The following LEPR variants were observed in gnomAD, a reference collection of about 807,000 sequenced individuals.
LEPR encodes the protein leptin receptor.
A neutral mutation model predicts 114.7 loss-of-function variants in LEPR; 56 were observed. The ratio of observed to expected loss-of-function variants is 0.49; its 90% CI spans 0.39 to 0.61. The LOEUF (loss-of-function observed/expected upper bound fraction) is 0.61, where lower values mean the gene tolerates loss of function less well. Among genes scored for constraint, LEPR ranks in the 20% least tolerant of loss-of-function variants. The pLI is 0.00. For missense variants in LEPR, 1,202 were observed against 1,352.9 expected, an observed-to-expected ratio of 0.89 and a Z score of 1.75; for synonymous variants, 443 against 461.4, an observed-to-expected ratio of 0.96 and a Z score of 0.51.
At chr1:65,442,257 C>G (rs903387401) in intron 2 of LEPR, among the ~76,000 whole-genome samples, 1 of 152,168 alleles carries the variant, frequency 6.6e-6, no homozygotes, top group African/African-American at 2.4e-5. Context: ...TTCACAACTC[C>G]TTATCTTGAC....
At chr1:65,436,140 A>G in intron 2 of LEPR, 1 of 883,808 alleles carries the variant, frequency 1.1e-6, no homozygotes, top group Non-Finnish European at 1.4e-6. Flanking sequence ...GAATCTGACC[A>G]GTTTGAAGCC....
intron 2 of LEPR, among the ~76,000 whole-genome samples, chr1:65,553,588 T>A (rs1174108477): frequency 1.3e-5 from 2 of 152,098 alleles, no homozygotes; most frequent in East Asian, 3.9e-4. Flanking sequence ...TTCTTCTATA[T>A]ACTGGTTTTT....
chr1:65,554,083 C>T (rs1401923335), intron 2 of LEPR, among the ~76,000 whole-genome samples: 3 of 152,146 alleles, frequency 2.0e-5, no homozygotes, highest in Admixed American at 1.3e-4. Context: ...CTGGCAGCTT[C>T]GTCCCAGAGG....
intron 14 of LEPR, 100 bp downstream of exon 14, chr1:65,610,396 C>A: frequency 9.9e-7 from 1 of 1,007,060 alleles, no homozygotes; most frequent in Non-Finnish European, 1.5e-6. Context: ...GAAAGCTCAA[C>A]AATCCTGTAT....
intron 2 of LEPR, among the ~76,000 whole-genome samples, chr1:65,475,669 GATCAA>G (rs1341110076): frequency 6.6e-6 from 1 of 152,046 alleles, no homozygotes; most frequent in Non-Finnish European, 1.5e-5. Context: ...TCATTAAAGG[GATCAA>G]TTTTGTTCTA....
At chr1:65,589,620 C>A (rs1655552313) in intron 5 of LEPR, among the ~76,000 whole-genome samples, 1 of 151,882 alleles carries the variant, frequency 6.6e-6, no homozygotes, top group Non-Finnish European at 1.5e-5. Flanking sequence ...GATTAAAGTT[C>A]TTTTCTTTTA....
At chr1:65,516,958 C>T (rs1649318122) in intron 2 of LEPR, among the ~76,000 whole-genome samples, 1 of 152,148 alleles carries the variant, frequency 6.6e-6, no homozygotes, top group Non-Finnish European at 1.5e-5. Context: ...CACGAAATCG[C>T]AAAAGAAAGA....
At chr1:65,427,665 A>T in intron 2 of LEPR, 2 of 169,828 alleles carry the variant, frequency 1.2e-5, no homozygotes, top group South Asian at 2.4e-4. Context: ...ACCAACTGTA[A>T]ATCTAGGAGT....
At chr1:65,476,352 A>G (rs1184400700) in intron 2 of LEPR, among the ~76,000 whole-genome samples, 6 of 152,022 alleles carry the variant, frequency 3.9e-5, no homozygotes, top group African/African-American at 7.3e-5. Flanking sequence ...ACAGTCAACA[A>G]ATATTTACAG....
intron 5 of LEPR, among the ~76,000 whole-genome samples, chr1:65,582,895 T>C (rs1312094639): frequency 6.6e-6 from 1 of 152,198 alleles, no homozygotes. Flanking sequence ...ATTTCACTAC[T>C]TCTTTTAAAG....
chr1:65,543,942 C>T (rs928462678), intron 2 of LEPR, among the ~76,000 whole-genome samples: 19 of 151,968 alleles, frequency 1.3e-4, no homozygotes, highest in Non-Finnish European at 2.6e-4. Flanking sequence ...ATTGTCTTGG[C>T]TGTGCAGGCT....
chr1:65,431,774 GA>G (rs1557585953), intron 2 of LEPR: 2 of 1,605,026 alleles, frequency 1.2e-6, no homozygotes, highest in Middle Eastern at 1.7e-4. Flanking sequence ...AGGAAGTAAG[GA>G]TTTAATCCTT....
At chr1:65,532,710 C>T (rs983564582) in intron 2 of LEPR, among the ~76,000 whole-genome samples, 3 of 152,134 alleles carry the variant, frequency 2.0e-5, no homozygotes, top group African/African-American at 7.2e-5. Flanking sequence ...AAACATGATG[C>T]TAACAGAAGG....
chr1:65,596,656 C>A, intron 7 of LEPR, 63 bp downstream of exon 7: 2 of 1,439,354 alleles, frequency 1.4e-6, no homozygotes, highest in Non-Finnish European at 9.7e-7. Flanking sequence ...TCTTAAGTCC[C>A]ATAGCAATTA....
At chr1:65,572,026 G>T (rs954420047) in intron 4 of LEPR, among the ~76,000 whole-genome samples, 4 of 149,780 alleles carry the variant, frequency 2.7e-5, no homozygotes, top group Non-Finnish European at 4.4e-5. Context: ...AGCTAGGTGA[G>T]TTTTGAGCTC....
chr1:65,450,055 G>C lies in LEPR; in HGVS notation c.-21+24677G>C, dbSNP rs147655873. ...TGTTGTTTAATCTCCATGTATTTTG[G>C]AATTGTCCGGTTGTGTTTCCGTTAT... On this transcript the variant is annotated intron_variant, in intron 2 of 19. Transcript: ENST00000349533. Among the ~76,000 whole-genome samples, 751 of 152,074 alleles carry C rather than the reference G, an allele frequency of 4.9e-3. 8 individuals carry two copies. The highest frequency in any genetic ancestry group is 0.017 in the African/African-American group (724 of 41,502).
chr1:65,526,447 T>C, intron 2 of LEPR: 1 of 983,316 alleles, frequency 1.0e-6, no homozygotes, highest in Non-Finnish European at 1.2e-6. Flanking sequence ...GCAGGTATGG[T>C]GCCATTTAAA....
intron 2 of LEPR, among the ~76,000 whole-genome samples, chr1:65,476,171 A>G (rs1376152840): frequency 6.6e-6 from 1 of 150,510 alleles, no homozygotes; most frequent in East Asian, 1.9e-4. Context: ...GTTATTGCAT[A>G]CAAATCCAAA....
intron 5 of LEPR, among the ~76,000 whole-genome samples, chr1:65,582,400 C>T (rs1393049399): frequency 2.0e-5 from 3 of 152,178 alleles, no homozygotes; most frequent in African/African-American, 7.2e-5. Flanking sequence ...CCAAGTTCTT[C>T]ATGGGATGTT....
Sources: gnomAD v4.1 joint callset for allele counts (sites outside exome capture counted in the v4.1 genomes callset) on GRCh38, gnomAD v4.1.1 for gene constraint, MANE v1.5 for transcripts, NCBI Gene and HGNC (gene_info 2026-07-23, HGNC 2026-07-21) for gene names.